CEP85: variants seen among roughly 807,000 people sequenced by gnomAD.
The protein encoded by CEP85 is centrosomal protein 85, also known as centrosomal protein of 85 kDa.
Under a neutral mutation model 93.7 loss-of-function variants are expected in CEP85, and 58 were observed. The ratio of observed to expected loss-of-function variants is 0.62; its 90% confidence interval spans 0.50 to 0.77. The LOEUF is 0.77. Among genes scored for constraint, CEP85 ranks in the 30% least tolerant of loss-of-function variants. The probability of loss-of-function intolerance (pLI) is 0.00; values close to 1 mark genes in which losing one functional copy is unlikely to be tolerated. For missense variants in CEP85, 868 were observed against 922.0 expected (o/e 0.94, Z 0.76); for synonymous variants, 314 against 338.6 (o/e 0.93, Z 0.80).
Position 26,276,688 on chromosome 1 carries a change from G to T in CEP85, c.2056G>T (p.Ala686Ser), listed in dbSNP as rs777426552. The change falls in exon 13 of 14, where the codon GCT (alanine) becomes TCT (serine). Residue 686 changes from alanine (A) to serine (S), a missense_variant. Coordinates refer to ENST00000451429, the MANE Select transcript of CEP85 (RefSeq NM_001319944.2). ...ELASCLQDLQ[A>S]VCSIVTQRAQ... The stretch of plus-strand genomic sequence containing the variant: ...GGCCAGTTGCCTTCAAGATCTGCAG[G>T]CTGTCTGTAGCATTGTGACCCAGAG... 1.2e-6 allele frequency: 2 copies of T among 1,614,156 alleles called. No individual in the cohort carries two copies. Among genetic ancestry groups the T allele is most frequent in the Non-Finnish European group, 1.7e-6 (2 of 1,180,032 alleles).
At chr1:26,274,337 T>C (rs2090022780) in intron 11 of CEP85, among the ~76,000 whole-genome samples, 1 of 152,182 alleles carries the variant, frequency 6.6e-6, no homozygotes, top group Admixed American at 6.5e-5. Context: ...GGTGTTCTTC[T>C]CAATGCTGGT....
chr1:26,256,928 G>GGGGTGTGTGTGTGTGTGTGTGT (rs1553159974), intron 4 of CEP85, among the ~76,000 whole-genome samples: 14 of 111,492 alleles, frequency 1.3e-4, no homozygotes, highest in African/African-American at 4.4e-4. Flanking sequence ...GTTTTGTTTT[G>GGGGTGTGTGTGTGTGTGTGTGT]GTGTGTGTGT....
chr1:26,247,582 G>A (rs1433130846), intron 3 of CEP85, among the ~76,000 whole-genome samples: 1 of 151,980 alleles, frequency 6.6e-6, no homozygotes, highest in Non-Finnish European at 1.5e-5. Context: ...AAAAAAGAGG[G>A]TAGTGGGGAC....
chr1:26,244,520 T>G (rs1159803389), intron 3 of CEP85, among the ~76,000 whole-genome samples: 1 of 152,152 alleles, frequency 6.6e-6, no homozygotes, highest in Non-Finnish European at 1.5e-5. Context: ...TTATCTTATC[T>G]GAAACAACTT....
At chr1:26,246,655 G>A (rs538983049) in intron 3 of CEP85, among the ~76,000 whole-genome samples, 3 of 151,922 alleles carry the variant, frequency 2.0e-5, no homozygotes, top group African/African-American at 7.3e-5. Context: ...CTTGAACCCG[G>A]GAGGCAGAGG....
chr1:26,247,838 C>T (rs924728007), intron 3 of CEP85, among the ~76,000 whole-genome samples: 4 of 151,816 alleles, frequency 2.6e-5, no homozygotes, highest in African/African-American at 7.3e-5. Context: ...TTTTGTTTTG[C>T]GTGTGGAGTC....
Position 26,276,609 on chromosome 1 carries a change from G to A in CEP85, c.1977G>A (p.Gly659=). 1 of 1,614,182 alleles carries A rather than the reference G, an allele frequency of 6.2e-7. No individual in the cohort carries two copies. Among genetic ancestry groups the A allele is most frequent in the Non-Finnish European group, 8.5e-7 (1 of 1,180,030 alleles). ...LQEHLRQAQP[G]SPPSPDTAQL... The stretch of plus-strand genomic sequence containing the variant: ...AACACCTGCGCCAGGCCCAACCAGG[G>A]TCTCCACCTTCACCAGACACGGCCC... The change falls in exon 13 of 14, where the codon GGG becomes GGA. Residue 659 remains glycine (G), a synonymous_variant. Coordinates refer to ENST00000451429, the MANE Select transcript of CEP85 (RefSeq NM_001319944.2).
intron 10 of CEP85, chr1:26,271,336 G>A (rs927681180): frequency 2.3e-6 from 1 of 442,098 alleles, no homozygotes; most frequent in Non-Finnish European, 4.1e-6. Flanking sequence ...TAAGAGGAGG[G>A]GTGATATGCC....
intron 7 of CEP85, among the ~76,000 whole-genome samples, chr1:26,267,899 C>T (rs1474078658): frequency 6.6e-6 from 1 of 152,066 alleles, no homozygotes; most frequent in Non-Finnish European, 1.5e-5. Flanking sequence ...GGGATCTGGC[C>T]CACTCCTGTC....
In CEP85 at chr1:26,255,658, G is replaced by T; in HGVS notation, c.696G>T (p.Gly232=). Reference sequence around the variant, plus strand: ...AGGCCAAGAAGGCACCGGGCAGCGGGGCAGTGTTTGAGCGGAATGGACCAC... The same window carrying T: ...AGGCCAAGAAGGCACCGGGCAGCGGTGCAGTGTTTGAGCGGAATGGACCAC... ...LPEAKKAPGS[G]AVFERNGPHS... is the part of the protein sequence containing the mutation. The change falls in exon 4 of 14, where the codon GGG becomes GGT. Residue 232 remains glycine, a synonymous_variant. Transcript: ENST00000451429. The T allele has an allele frequency of 6.2e-7, 1 of 1,614,082 alleles. No homozygotes were observed.
intron 3 of CEP85, among the ~76,000 whole-genome samples, chr1:26,252,235 A>T (rs1012256260): frequency 6.6e-5 from 10 of 150,958 alleles, no homozygotes; most frequent in African/African-American, 2.4e-4. Flanking sequence ...ACCCCATCTC[A>T]AAAAAGAAAA....
At position 26,256,600 on chromosome 1, in the gene CEP85, CT is replaced by C. The variant is rs771960691; in HGVS notation, c.903+751del. The stretch of plus-strand genomic sequence containing the variant: ...GTTCTCTCTACCACTTTTGTATTTT[CT>C]TTTTTTTTTTTTTTTGAGATGGAGT... On this transcript the variant is annotated intron_variant, in intron 4 of 13. Coordinates refer to ENST00000451429, the MANE Select transcript of CEP85 (RefSeq NM_001319944.2). 1.9e-3 allele frequency among the ~76,000 whole-genome samples: 246 copies of C among 127,104 alleles called. 1 individual carries two copies. Among genetic ancestry groups the C allele is most frequent in the South Asian group, 4.9e-3 (19 of 3,910 alleles). The allele number at this position is 127,104 out of a possible 152,430, so 83.4% of individuals were successfully genotyped here.
intron 1 of CEP85, among the ~76,000 whole-genome samples, chr1:26,236,902 T>C (rs2089335125): frequency 6.6e-6 from 1 of 152,208 alleles, no homozygotes; most frequent in South Asian, 2.1e-4. Context: ...TGAAAGTTGT[T>C]ATCAATAGAA....
At chr1:26,269,653 A>C (rs754855571) in intron 9 of CEP85, 39 bp downstream of exon 9, 1 of 1,562,888 alleles carries the variant, frequency 6.4e-7, no homozygotes, top group Non-Finnish European at 8.7e-7. Context: ...TGGAGAGTTA[A>C]GTTTTTTGTC....
chr1:26,246,208 A>G (rs1252532560), intron 3 of CEP85, among the ~76,000 whole-genome samples: 1 of 152,220 alleles, frequency 6.6e-6, no homozygotes, highest in African/African-American at 2.4e-5. Flanking sequence ...AAGGTTAAAC[A>G]TAGAGTTATT....
intron 4 of CEP85, among the ~76,000 whole-genome samples, 161 bp downstream of exon 4, chr1:26,256,026 C>G: frequency 6.6e-6 from 1 of 152,152 alleles, no homozygotes; most frequent in Non-Finnish European, 1.5e-5. Context: ...GCCATTGAAT[C>G]TGTTTGGTAG....
chr1:26,241,696 A>T (rs774452290), intron 2 of CEP85, among the ~76,000 whole-genome samples: 20 of 152,058 alleles, frequency 1.3e-4, no homozygotes, highest in Non-Finnish European at 2.6e-4. Flanking sequence ...TCAGATTAAT[A>T]ATGGTCTTAA....
intron 7 of CEP85, among the ~76,000 whole-genome samples, chr1:26,262,580 T>G (rs1335090336): frequency 6.6e-6 from 1 of 151,756 alleles, no homozygotes. Context: ...CTAATGAAAA[T>G]AAAATCAAGA....
intron 13 of CEP85, 22 bp downstream of exon 13, chr1:26,276,782 G>T: frequency 6.3e-7 from 1 of 1,578,036 alleles, no homozygotes; most frequent in Non-Finnish European, 8.7e-7. Context: ...GACCAGTCTG[G>T]GGCCCAGGAA....
Sources: allele counts gnomAD v4.1 joint callset (sites outside exome capture counted in the v4.1 genomes callset), GRCh38; gene constraint gnomAD v4.1.1; transcripts MANE v1.5; gene names NCBI Gene and HGNC (gene_info 2026-07-23, HGNC 2026-07-21).